DGKB: variants seen among roughly 807,000 people sequenced by gnomAD.
DGKB encodes the protein 90 kDa diacylglycerol kinase.
DGKB carries 67 observed loss-of-function variants against 114.3 expected under a neutral mutation model. That is an observed-to-expected ratio of 0.59 (90% CI 0.48 to 0.72). DGKB has a LOEUF of 0.72. Among genes scored for constraint, DGKB ranks in the 30% least tolerant of loss-of-function variants. The pLI, the probability that DGKB is intolerant of heterozygous loss-of-function variation, is 0.00. For missense variants in DGKB, 907 were observed against 975.2 expected (o/e 0.93, Z 0.93); for synonymous variants, 398 against 323.1 (o/e 1.23, Z -2.49).
At chr7:14,600,792 T>C (rs1452705855) in intron 17 of DGKB, among the ~76,000 whole-genome samples, 1 of 152,202 alleles carries the variant, frequency 6.6e-6, no homozygotes, top group Non-Finnish European at 1.5e-5. Context: ...CTGAACACAC[T>C]GTGCAGAGTT....
At chr7:14,419,258 A>G (rs1826290972) in intron 21 of DGKB, among the ~76,000 whole-genome samples, 1 of 151,996 alleles carries the variant, frequency 6.6e-6, no homozygotes, top group African/African-American at 2.4e-5. Flanking sequence ...AGTGAATTCA[A>G]CTGTTAATAT....
chr7:14,605,523 G>A (rs1804339255), intron 17 of DGKB, among the ~76,000 whole-genome samples: 1 of 151,532 alleles, frequency 6.6e-6, no homozygotes, highest in Non-Finnish European at 1.5e-5. Context: ...TGCTCAAAGT[G>A]GGACCTTTAA....
chr7:14,687,788 T>C (rs17668488), intron 9 of DGKB, among the ~76,000 whole-genome samples: 2,689 of 152,328 alleles, frequency 0.018, 38 homozygotes, highest in South Asian at 0.028. Context: ...TACATGTGAA[T>C]AAGCTTCATC....
chr7:14,488,884 C>T (rs998978121), intron 20 of DGKB, among the ~76,000 whole-genome samples: 8 of 138,236 alleles, frequency 5.8e-5, no homozygotes, highest in Non-Finnish European at 1.1e-4. Flanking sequence ...ACAACAACAA[C>T]AAAAATTATT....
intron 23 of DGKB, among the ~76,000 whole-genome samples, chr7:14,284,047 C>A (rs972580120): frequency 2.0e-4 from 30 of 152,022 alleles, no homozygotes; most frequent in Non-Finnish European, 4.4e-4. Flanking sequence ...TTCTGCACAG[C>A]AAAAGAAACT....
chr7:14,665,250 G>A (rs937359513), intron 13 of DGKB, among the ~76,000 whole-genome samples: 1 of 151,892 alleles, frequency 6.6e-6, no homozygotes, highest in East Asian at 1.9e-4. Flanking sequence ...TGGAGCTAAA[G>A]GCCATTTTCC....
chr7:14,525,223 G>A (rs1310265741), intron 20 of DGKB, among the ~76,000 whole-genome samples: 1 of 152,132 alleles, frequency 6.6e-6, no homozygotes, highest in Admixed American at 6.5e-5. Context: ...GTAAGTCACT[G>A]TTTTCTCTTT....
chr7:14,807,947 C>G (rs753338459), intron 2 of DGKB, among the ~76,000 whole-genome samples: 1 of 151,924 alleles, frequency 6.6e-6, no homozygotes, highest in Non-Finnish European at 1.5e-5. Flanking sequence ...ATCATGATGT[C>G]TCATCATAAA....
intron 23 of DGKB, among the ~76,000 whole-genome samples, chr7:14,303,245 T>G (rs1803865607): frequency 2.6e-5 from 4 of 152,170 alleles, no homozygotes; most frequent in Admixed American, 2.0e-4. Flanking sequence ...ACAAGTTATT[T>G]GTAATGCTAA....
At chr7:14,587,558 A>C (rs535022264) in intron 17 of DGKB, among the ~76,000 whole-genome samples, 2 of 152,294 alleles carry the variant, frequency 1.3e-5, no homozygotes, top group Non-Finnish European at 2.9e-5. Flanking sequence ...ACTGTGTATA[A>C]GATGCTAGCA....
At chr7:14,832,176 G>C (rs1265228704) in intron 2 of DGKB, among the ~76,000 whole-genome samples, 1 of 151,900 alleles carries the variant, frequency 6.6e-6, no homozygotes, top group Admixed American at 6.6e-5. Flanking sequence ...TTAAAGTTTA[G>C]AAAAGGTTAC....
At chr7:14,662,654 C>A (rs1373221446) in intron 13 of DGKB, among the ~76,000 whole-genome samples, 1 of 151,378 alleles carries the variant, frequency 6.6e-6, no homozygotes, top group African/African-American at 2.4e-5. Flanking sequence ...CAGTGATGTC[C>A]CATAGTATAT....
chr7:14,197,391 C>A (rs1019409790), intron 23 of DGKB, among the ~76,000 whole-genome samples: 2 of 150,978 alleles, frequency 1.3e-5, no homozygotes, highest in Middle Eastern at 6.8e-3. Flanking sequence ...TTGAACAAAC[C>A]GTAAAAAAAA....
Position 14,405,920 on chromosome 7 carries a change from G to T in DGKB, c.1836-60529C>A, listed in dbSNP as rs539428706. On this transcript the variant is annotated intron_variant, in intron 21 of 25. Transcript: ENST00000402815. ...GGAATAGATGAGAATCCAATCTTGG[G>T]CTAATGAAGCAACACAAGATTCGCA... Among the ~76,000 whole-genome samples, 11 of 152,078 alleles carry T rather than the reference G, an allele frequency of 7.2e-5. No homozygotes were observed. The East Asian group carries it at 1.7e-3, about 24-fold the overall frequency.
intron 1 of DGKB, among the ~76,000 whole-genome samples, chr7:14,881,646 T>C (rs976879582): frequency 3.9e-5 from 6 of 152,074 alleles, no homozygotes; most frequent in African/African-American, 1.4e-4. Flanking sequence ...CCAGGAACAC[T>C]GTGGTGCAGA....
chr7:14,529,091 A>C (rs1384352585), intron 20 of DGKB, among the ~76,000 whole-genome samples: 1 of 151,944 alleles, frequency 6.6e-6, no homozygotes, highest in Non-Finnish European at 1.5e-5. Context: ...GTAACATGAG[A>C]AGTATATGGG....
intron 17 of DGKB, among the ~76,000 whole-genome samples, chr7:14,589,376 A>G (rs1355313492): frequency 6.6e-6 from 1 of 151,764 alleles, no homozygotes; most frequent in East Asian, 1.9e-4. Flanking sequence ...TATAATTGTT[A>G]TTTCTTTCCC....
At chr7:14,344,658 G>A (rs1398806783) in intron 22 of DGKB, among the ~76,000 whole-genome samples, 3 of 149,974 alleles carry the variant, frequency 2.0e-5, no homozygotes, top group Non-Finnish European at 4.5e-5. Flanking sequence ...TCAATATAAC[G>A]AAGTCATTTT....
intron 17 of DGKB, among the ~76,000 whole-genome samples, chr7:14,585,561 A>G (rs568079796): frequency 9.1e-4 from 138 of 152,262 alleles, no homozygotes; most frequent in African/African-American, 3.1e-3. Context: ...TTTAAAATCC[A>G]TGTCAATGGG....
Sources: gnomAD v4.1 joint callset for allele counts (sites outside exome capture counted in the v4.1 genomes callset) on GRCh38, gnomAD v4.1.1 for gene constraint, MANE v1.5 for transcripts, NCBI Gene and HGNC (gene_info 2026-07-23, HGNC 2026-07-21) for gene names.